TIAM1: variants seen among roughly 807,000 people sequenced by gnomAD.
TIAM1 encodes the protein rho guanine nucleotide exchange factor TIAM1.
TIAM1 carries 65 observed loss-of-function variants against 163.5 expected under a neutral mutation model. The ratio of observed to expected loss-of-function variants is 0.40; its 90% confidence interval spans 0.33 to 0.49. The LOEUF is 0.49. Among genes scored for constraint, TIAM1 ranks in the 20% least tolerant of loss-of-function variants. The probability of loss-of-function intolerance (pLI) is 0.77; values close to 1 mark genes in which losing one functional copy is unlikely to be tolerated. For synonymous variants in TIAM1, 833 were observed against 810.1 expected (o/e 1.03, Z -0.48); for missense variants, 1,789 against 2,044.7 (o/e 0.87, Z 2.41).
intron 2 of TIAM1, among the ~76,000 whole-genome samples, chr21:31,315,491 G>C (rs2147003704): frequency 6.6e-6 from 1 of 151,594 alleles, no homozygotes; most frequent in East Asian, 2.0e-4. Flanking sequence ...CTCTAGCCTG[G>C]GCAACAGAGC....
intron 2 of TIAM1, among the ~76,000 whole-genome samples, chr21:31,323,571 C>T (rs537338993): frequency 1.3e-5 from 2 of 152,098 alleles, no homozygotes; most frequent in Non-Finnish European, 2.9e-5. Flanking sequence ...TGGCTCATGC[C>T]TGTAACCCCA....
At chr21:31,394,309 T>C (rs946622208) in intron 2 of TIAM1, among the ~76,000 whole-genome samples, 1 of 152,130 alleles carries the variant, frequency 6.6e-6, no homozygotes. Flanking sequence ...GGTGAAGCTA[T>C]AGAGACAGTA....
intron 6 of TIAM1, among the ~76,000 whole-genome samples, chr21:31,228,115 G>A (rs1025370118): frequency 5.7e-5 from 8 of 141,160 alleles, no homozygotes; most frequent in Admixed American, 2.9e-4. Context: ...GTTTCACCAC[G>A]TTGGCCAGGA....
At chr21:31,377,692 C>T (rs1229169799) in intron 2 of TIAM1, among the ~76,000 whole-genome samples, 1 of 152,160 alleles carries the variant, frequency 6.6e-6, no homozygotes, top group Non-Finnish European at 1.5e-5. Context: ...TTTCTGTCTG[C>T]CATCCTAGGC....
intron 2 of TIAM1, among the ~76,000 whole-genome samples, chr21:31,404,859 C>T (rs1038639990): frequency 6.6e-6 from 1 of 152,158 alleles, no homozygotes; most frequent in African/African-American, 2.4e-5. Context: ...AAAAAACACT[C>T]ATGACATTTA....
intron 1 of TIAM1, among the ~76,000 whole-genome samples, chr21:31,532,941 T>A (rs999547804): frequency 6.6e-6 from 1 of 151,856 alleles, no homozygotes; most frequent in Non-Finnish European, 1.5e-5. Context: ...GAGAAAAAAA[T>A]AAATAAATAT....
intron 1 of TIAM1, among the ~76,000 whole-genome samples, chr21:31,490,281 A>T (rs1221403323): frequency 6.6e-6 from 1 of 152,240 alleles, no homozygotes; most frequent in Non-Finnish European, 1.5e-5. Flanking sequence ...TTATAAAAAA[A>T]TTCTTACAGA....
intron 2 of TIAM1, among the ~76,000 whole-genome samples, chr21:31,455,585 G>GT (rs1458191107): frequency 1.3e-5 from 2 of 151,834 alleles, no homozygotes; most frequent in Non-Finnish European, 2.9e-5. Flanking sequence ...GCTAATTTTT[G>GT]TACTTTTAGT....
intron 16 of TIAM1, among the ~76,000 whole-genome samples, chr21:31,159,439 T>C (rs930985526): frequency 6.6e-6 from 1 of 152,216 alleles, no homozygotes; most frequent in African/African-American, 2.4e-5. Context: ...AATTTCTAAC[T>C]CTAGATGAGT....
intron 2 of TIAM1, among the ~76,000 whole-genome samples, chr21:31,365,387 C>CTTTTTTTTTTTT (rs772457613): frequency 7.8e-6 from 1 of 128,828 alleles, no homozygotes; most frequent in East Asian, 2.4e-4. Context: ...TTATTTCTTT[C>CTTTTTTTTTTTT]TTTTTTTTTT....
chr21:31,540,518 C>G (rs777993942), intron 1 of TIAM1, among the ~76,000 whole-genome samples: 1 of 152,202 alleles, frequency 6.6e-6, no homozygotes, highest in Non-Finnish European at 1.5e-5. Flanking sequence ...GCAGGAGGAT[C>G]GCTTAAGCCT....
At chr21:31,182,860 T>C (rs2085100987) in intron 14 of TIAM1, among the ~76,000 whole-genome samples, 2 of 152,266 alleles carry the variant, frequency 1.3e-5, no homozygotes, top group Middle Eastern at 3.4e-3. Context: ...GCCTAGCTGG[T>C]CCTTCATACA....
chr21:31,554,568 T>C (rs1431060415), intron 1 of TIAM1, among the ~76,000 whole-genome samples: 1 of 152,322 alleles, frequency 6.6e-6, no homozygotes, highest in East Asian at 1.9e-4. Context: ...CAAAGGGCCC[T>C]GGGCCCATTC....
chr21:31,213,864 T>C (rs1302185925), intron 9 of TIAM1, among the ~76,000 whole-genome samples: 1 of 64,558 alleles, frequency 1.5e-5, no homozygotes, highest in Non-Finnish European at 2.5e-5. Context: ...ACCTCATCTC[T>C]ACAAAAAAAA....
intron 2 of TIAM1, among the ~76,000 whole-genome samples, chr21:31,433,820 C>T (rs1386885575): frequency 3.3e-5 from 5 of 150,898 alleles, no homozygotes; most frequent in African/African-American, 9.7e-5. Context: ...TTTTTTGAGA[C>T]GAAGTCTCGC....
chr21:31,449,255 G>A (rs560695843), intron 2 of TIAM1, among the ~76,000 whole-genome samples: 53 of 152,232 alleles, frequency 3.5e-4, no homozygotes, highest in African/African-American at 1.2e-3. Context: ...GTGAGCCACC[G>A]TGGCTGGTCA....
At chr21:31,259,986 T>C (rs999508659) in intron 4 of TIAM1, among the ~76,000 whole-genome samples, 1 of 151,682 alleles carries the variant, frequency 6.6e-6, no homozygotes, top group Non-Finnish European at 1.5e-5. Flanking sequence ...TCACCCAGGC[T>C]GGAGTGCAGT....
rs188603744 is a variant in TIAM1, at chr21:31,248,700, C to T, written c.1412-3040G>A. Among the ~76,000 whole-genome samples, 750 of 152,258 alleles carry T rather than the reference C, an allele frequency of 4.9e-3. 3 individuals carry two copies. The highest frequency in any genetic ancestry group is 0.017 in the African/African-American group (715 of 41,542). On this transcript the variant is annotated intron_variant, in intron 5 of 27. Coordinates refer to ENST00000541036, the MANE Select transcript of TIAM1 (RefSeq NM_001353694.2). Reference sequence around the variant, plus strand: ...AAGAAAAAGTCAGCTGCAAGTCTTGCTTTTGAGCAGCAAGGACAAAGCCCT... The same window carrying T: ...AAGAAAAAGTCAGCTGCAAGTCTTGTTTTTGAGCAGCAAGGACAAAGCCCT...
intron 2 of TIAM1, among the ~76,000 whole-genome samples, chr21:31,369,193 T>A (rs1352650228): frequency 2.2e-5 from 3 of 134,752 alleles, no homozygotes; most frequent in Non-Finnish European, 4.6e-5. Context: ...GCCACTGCAC[T>A]CCAGCCTGGG....
Sources: gnomAD v4.1 joint callset for allele counts (sites outside exome capture counted in the v4.1 genomes callset) on GRCh38, gnomAD v4.1.1 for gene constraint, MANE v1.5 for transcripts, NCBI Gene and HGNC (gene_info 2026-07-23, HGNC 2026-07-21) for gene names.